Variants in KIAA0825 observed in about 807,000 individuals in gnomAD.
KIAA0825 encodes the protein KIAA0825.
Under a neutral mutation model 147.6 loss-of-function variants are expected in KIAA0825, and 119 were observed. The observed-to-expected ratio is 0.81, with a 90% CI of 0.69 to 0.94. KIAA0825 has a LOEUF of 0.94. Ranked by LOEUF, KIAA0825 falls within the 40% of genes least tolerant of loss-of-function variation. KIAA0825 has a pLI of 0.00. For synonymous variants in KIAA0825, 470 were observed against 518.1 expected (o/e 0.91, Z 1.26); for missense variants, 1,381 against 1,472.7 (o/e 0.94, Z 1.02).
rs556278855 is a variant in KIAA0825 at position 94,562,891 on chromosome 5, G to C, written c.-2+19542C>G. On this transcript the variant is annotated intron_variant, in intron 2 of 20. Coordinates refer to ENST00000682413, the MANE Select transcript of KIAA0825 (RefSeq NM_001145678.3). ...GCAGGGGAGAAACTACTTAAATTAA[G>C]TGCTTTAACTATTAAATAAATTTTA... Among the ~76,000 whole-genome samples the C allele has an allele frequency of 9.2e-5, 14 of 152,256 alleles. No homozygotes were observed. The South Asian group carries it at 2.1e-3, about 23-fold the overall frequency.
chr5:94,477,928 G>A (rs979626464), intron 6 of KIAA0825, among the ~76,000 whole-genome samples: 1 of 152,156 alleles, frequency 6.6e-6, no homozygotes, highest in African/African-American at 2.4e-5. Context: ...GATTCAGTAT[G>A]AATAATTTAA....
chr5:94,592,748 C>T, intron 1 of KIAA0825: 1 of 320,212 alleles, frequency 3.1e-6, no homozygotes. Context: ...TTTTGTTTAC[C>T]TAAGAAAATT....
intron 5 of KIAA0825, among the ~76,000 whole-genome samples, chr5:94,503,071 A>T (rs948244191): frequency 6.7e-6 from 1 of 148,672 alleles, no homozygotes; most frequent in African/African-American, 2.5e-5. Context: ...ATCTCAAAAA[A>T]AAATATATAT....
Position 94,179,572 on chromosome 5 carries a change from A to C in KIAA0825, c.3711-25448T>G, listed in dbSNP as rs1022385268. On this transcript the variant is annotated intron_variant, in intron 20 of 20. Coordinates refer to ENST00000682413, the MANE Select transcript of KIAA0825 (RefSeq NM_001145678.3). ...AGAGGCTAGAAGCTACCCCAGTAGCAGTGAACACAGATCTTGGTTTCTAAA... is the reference window on the plus strand; with the variant it reads ...AGAGGCTAGAAGCTACCCCAGTAGCCGTGAACACAGATCTTGGTTTCTAAA... Among the ~76,000 whole-genome samples the C allele has an allele frequency of 8.5e-5, 13 of 152,246 alleles. No homozygotes were observed. The South Asian group carries it at 1.0e-3, about 12-fold the overall frequency.
intron 20 of KIAA0825, among the ~76,000 whole-genome samples, chr5:94,275,300 C>T (rs1777171942): frequency 6.6e-6 from 1 of 152,030 alleles, no homozygotes; most frequent in Non-Finnish European, 1.5e-5. Context: ...TGGGAAAGCC[C>T]CCCAGAAGGA....
At chr5:94,403,515 C>T in intron 16 of KIAA0825, 54 bp downstream of exon 16, 2 of 1,337,620 alleles carry the variant, frequency 1.5e-6, no homozygotes, top group Non-Finnish European at 2.1e-6. Flanking sequence ...ATTACATACC[C>T]TAGAAAATTG....
intron 1 of KIAA0825, among the ~76,000 whole-genome samples, chr5:94,610,764 C>CAAA (rs756579848): frequency 4.3e-4 from 9 of 20,800 alleles, no homozygotes; most frequent in Non-Finnish European, 6.4e-4. Context: ...ACTCTATCTG[C>CAAA]AAAAAAAAAA....
chr5:94,472,902 T>C (rs186502232), intron 8 of KIAA0825, among the ~76,000 whole-genome samples: 5 of 152,188 alleles, frequency 3.3e-5, no homozygotes, highest in African/African-American at 7.2e-5. Context: ...ACTAATGAGA[T>C]GAAAAGCTCA....
intron 20 of KIAA0825, among the ~76,000 whole-genome samples, chr5:94,328,413 G>A (rs1444276936): frequency 6.6e-6 from 1 of 151,952 alleles, no homozygotes; most frequent in Non-Finnish European, 1.5e-5. Flanking sequence ...CTTTTAAAAT[G>A]ATTCCATTTT....
intron 20 of KIAA0825, among the ~76,000 whole-genome samples, chr5:94,239,779 C>T (rs1373717448): frequency 2.0e-5 from 3 of 152,086 alleles, no homozygotes; most frequent in Admixed American, 6.6e-5. Context: ...TTTAAACTGC[C>T]CTTTTTATTT....
chr5:94,205,995 G>A (rs762839727), intron 20 of KIAA0825, among the ~76,000 whole-genome samples: 12 of 151,984 alleles, frequency 7.9e-5, no homozygotes, highest in Middle Eastern at 3.4e-3. Flanking sequence ...TTTTTGTTCC[G>A]TTATTTTCTT....
At chr5:94,562,433 C>T (rs2152294827) in intron 2 of KIAA0825, among the ~76,000 whole-genome samples, 1 of 152,292 alleles carries the variant, frequency 6.6e-6, no homozygotes, top group Admixed American at 6.5e-5. Flanking sequence ...TCATCATGAT[C>T]CAAGCTGCAA....
chr5:94,581,243 C>T (rs377271119), intron 2 of KIAA0825, among the ~76,000 whole-genome samples: 2 of 152,266 alleles, frequency 1.3e-5, no homozygotes, highest in South Asian at 2.1e-4. Flanking sequence ...ATTATACCAA[C>T]GTCATGTCTT....
intron 13 of KIAA0825, among the ~76,000 whole-genome samples, chr5:94,447,399 G>A (rs1276424212): frequency 6.6e-6 from 1 of 152,014 alleles, no homozygotes; most frequent in East Asian, 1.9e-4. Flanking sequence ...GCAGCAACAG[G>A]AAAGAAAGAA....
At chr5:94,311,063 G>C (rs979151406) in intron 20 of KIAA0825, among the ~76,000 whole-genome samples, 6 of 151,578 alleles carry the variant, frequency 4.0e-5, no homozygotes, top group Non-Finnish European at 5.9e-5. Flanking sequence ...TAGCAAGGGT[G>C]ACCTCCAGTG....
At chr5:94,276,804 T>C (rs1777243473) in intron 20 of KIAA0825, among the ~76,000 whole-genome samples, 1 of 152,110 alleles carries the variant, frequency 6.6e-6, no homozygotes, top group South Asian at 2.1e-4. Flanking sequence ...GCCTTATGGC[T>C]AGGCATTGGT....
chr5:94,464,746 T>C, intron 11 of KIAA0825, 123 bp downstream of exon 11: 4 of 795,664 alleles, frequency 5.0e-6, no homozygotes, highest in Non-Finnish European at 7.6e-6. Context: ...GAATATGATT[T>C]CTTTTCAGAT....
At chr5:94,588,808 A>C (rs1226135799) in intron 1 of KIAA0825, among the ~76,000 whole-genome samples, 1 of 152,168 alleles carries the variant, frequency 6.6e-6, no homozygotes, top group Non-Finnish European at 1.5e-5. Context: ...TCAATAATAG[A>C]CTGAATAAAG....
At chr5:94,612,878 T>G (rs1789272375) in intron 1 of KIAA0825, among the ~76,000 whole-genome samples, 1 of 152,132 alleles carries the variant, frequency 6.6e-6, no homozygotes, top group Non-Finnish European at 1.5e-5. Context: ...AAAACAAAAC[T>G]AGAGACCTTA....
Sources: gnomAD v4.1 joint callset for allele counts (sites outside exome capture counted in the v4.1 genomes callset) on GRCh38, gnomAD v4.1.1 for gene constraint, MANE v1.5 for transcripts, NCBI Gene and HGNC (gene_info 2026-07-23, HGNC 2026-07-21) for gene names.